Variants in SLC6A11 observed in about 807,000 individuals in gnomAD.
SLC6A11 encodes the protein solute carrier family 6 member 11, also known as sodium- and chloride-dependent GABA transporter 3.
A neutral mutation model predicts 74.8 loss-of-function variants in SLC6A11; 25 were observed. That is an observed-to-expected ratio of 0.33 (90% CI 0.24 to 0.47). The LOEUF (loss-of-function observed/expected upper bound fraction) is 0.47, where lower values mean the gene tolerates loss of function less well. SLC6A11 is among the 20% of genes least tolerant of loss of function. The probability of loss-of-function intolerance (pLI) is 1.00; values close to 1 mark genes in which losing one functional copy is unlikely to be tolerated. For synonymous variants in SLC6A11, 330 were observed against 330.2 expected (o/e 1.00, Z 0.01); for missense variants, 574 against 837.0 (o/e 0.69, Z 3.88).
intron 13 of SLC6A11, among the ~76,000 whole-genome samples, chr3:10,935,622 G>C (rs1040411473): frequency 4.6e-5 from 7 of 152,018 alleles, no homozygotes; most frequent in Non-Finnish European, 8.8e-5. Flanking sequence ...GCCATCCTCA[G>C]AGCAAACTGG....
At chr3:10,909,743 C>T (rs748783840) in intron 6 of SLC6A11, among the ~76,000 whole-genome samples, 2 of 152,168 alleles carry the variant, frequency 1.3e-5, no homozygotes, top group Admixed American at 6.5e-5. Flanking sequence ...CTTTTTGCTT[C>T]GCCATGTGGC....
At chr3:10,858,716 T>C (rs996413810) in intron 5 of SLC6A11, among the ~76,000 whole-genome samples, 7 of 152,250 alleles carry the variant, frequency 4.6e-5, no homozygotes, top group African/African-American at 1.7e-4. Context: ...CCTCTGTTTT[T>C]CTGTCTCACT....
intron 6 of SLC6A11, among the ~76,000 whole-genome samples, chr3:10,910,448 AAG>A (rs1695371566): frequency 6.6e-6 from 1 of 152,166 alleles, no homozygotes; most frequent in Non-Finnish European, 1.5e-5. Context: ...GGAAAACAGG[AAG>A]AGAGAGTTCA....
intron 5 of SLC6A11, among the ~76,000 whole-genome samples, chr3:10,870,381 G>C (rs1485440229): frequency 6.6e-6 from 1 of 152,234 alleles, no homozygotes; most frequent in Non-Finnish European, 1.5e-5. Flanking sequence ...AGCAGATAGA[G>C]GGGTTTCATC....
At chr3:10,835,377 G>A (rs1694353356) in intron 4 of SLC6A11, among the ~76,000 whole-genome samples, 1 of 152,194 alleles carries the variant, frequency 6.6e-6, no homozygotes, top group Non-Finnish European at 1.5e-5. Context: ...AGAGAGAATG[G>A]CTGCGTTATG....
intron 5 of SLC6A11, among the ~76,000 whole-genome samples, chr3:10,857,097 A>G (rs1694646812): frequency 6.6e-6 from 1 of 152,204 alleles, no homozygotes; most frequent in Non-Finnish European, 1.5e-5. Context: ...CCTGAAGATA[A>G]TCAACATGAT....
Position 10,891,553 on chromosome 3 carries a change from C to T in SLC6A11, c.891+16458C>T, listed in dbSNP as rs77488712. Among the ~76,000 whole-genome samples the T allele has an allele frequency of 9.2e-5, 14 of 152,266 alleles. No homozygotes were observed. In the East Asian group the frequency reaches 2.5e-3, roughly 27 times the overall value. Reference sequence around the variant, plus strand: ...CTTACACATAGAGTAAAATTATACTCATGAAGGTATTTGGCAAAGAACTCC... The same window carrying T: ...CTTACACATAGAGTAAAATTATACTTATGAAGGTATTTGGCAAAGAACTCC... On this transcript the variant is annotated intron_variant, in intron 6 of 13. Transcript: ENST00000254488.
intron 5 of SLC6A11, among the ~76,000 whole-genome samples, chr3:10,870,106 G>A (rs1004198617): frequency 3.9e-5 from 6 of 152,030 alleles, no homozygotes; most frequent in Non-Finnish European, 8.8e-5. Flanking sequence ...GCTTATCTTT[G>A]GGGACCAAGC....
Position 10,935,368 on chromosome 3 carries a change from G to A in SLC6A11, c.1746+169G>A, listed in dbSNP as rs556509184. 6.6e-5 allele frequency: 41 copies of A among 619,488 alleles called. No homozygotes were observed. In the African/African-American group the frequency reaches 7.2e-4, roughly 11 times the overall value. 38.4% of individuals were successfully genotyped at this position (619,488 alleles called of 1,614,324 possible). ...TCAGTATCATGGTTGTGCCCAAGGT[G>A]TCTCTGTGAAGTCTTTTGGCTGAGC... On this transcript the variant is annotated intron_variant, in intron 13 of 13. Coordinates refer to ENST00000254488, the MANE Select transcript of SLC6A11 (RefSeq NM_014229.3).
At chr3:10,904,317 A>G (rs545451747) in intron 6 of SLC6A11, among the ~76,000 whole-genome samples, 2 of 152,356 alleles carry the variant, frequency 1.3e-5, no homozygotes, top group East Asian at 3.9e-4. Context: ...ACTGTGCACC[A>G]GGGCTCACTG....
At position 10,940,657 on chromosome 3, in the gene SLC6A11, CA is replaced by C. The variant is rs1204386972; in HGVS notation, c.*2258del. The C allele has an allele frequency of 2.0e-5, 3 of 152,140 alleles. No individual in the cohort carries two copies. The highest frequency in any genetic ancestry group is 4.4e-5 in the Non-Finnish European group (3 of 68,034). 9.4% of individuals were successfully genotyped at this position (152,140 alleles called of 1,614,324 possible). A position where few individuals can be genotyped will look rare whatever the true frequency, so the allele number is the denominator to read the frequency against. On this transcript the variant is annotated 3_prime_UTR_variant, in exon 14 of 14. Coordinates refer to ENST00000254488, the MANE Select transcript of SLC6A11 (RefSeq NM_014229.3). Reference sequence around the variant, plus strand: ...ATAATGAACATTTTTATTGGGCATTCAAAGGGTGCAAGATTGTCTGCTTACT... The same window carrying C: ...ATAATGAACATTTTTATTGGGCATTCAAGGGTGCAAGATTGTCTGCTTACT...
At chr3:10,927,681 C>T (rs1199112170) in intron 9 of SLC6A11, among the ~76,000 whole-genome samples, 10 of 152,136 alleles carry the variant, frequency 6.6e-5, no homozygotes, top group Non-Finnish European at 1.3e-4. Context: ...GCTGCTGAGG[C>T]GGAGCAGCTG....
chr3:10,870,946 C>G (rs1694821705), intron 5 of SLC6A11, among the ~76,000 whole-genome samples: 1 of 152,142 alleles, frequency 6.6e-6, no homozygotes, highest in Non-Finnish European at 1.5e-5. Context: ...GATTTCTTTT[C>G]CCTTGGTTTA....
intron 5 of SLC6A11, among the ~76,000 whole-genome samples, chr3:10,865,147 C>T (rs1032792151): frequency 6.6e-6 from 1 of 152,246 alleles, no homozygotes; most frequent in African/African-American, 2.4e-5. Context: ...CACAATCTTT[C>T]TAATTATTGA....
At chr3:10,871,029 T>G (rs969451489) in intron 5 of SLC6A11, among the ~76,000 whole-genome samples, 6 of 152,178 alleles carry the variant, frequency 3.9e-5, no homozygotes, top group African/African-American at 1.4e-4. Context: ...CTAAATATAA[T>G]GTAGAAGTAG....
chr3:10,853,877 G>A (rs1327779751), intron 5 of SLC6A11, among the ~76,000 whole-genome samples: 1 of 152,188 alleles, frequency 6.6e-6, no homozygotes, highest in Non-Finnish European at 1.5e-5. Context: ...CTTCATGCAG[G>A]CATGCCCTGC....
chr3:10,932,645 A>C (rs1695705443), intron 10 of SLC6A11, among the ~76,000 whole-genome samples: 1 of 152,180 alleles, frequency 6.6e-6, no homozygotes, highest in Non-Finnish European at 1.5e-5. Flanking sequence ...GACTGTGGGA[A>C]GGGAGATGAG....
intron 12 of SLC6A11, among the ~76,000 whole-genome samples, 175 bp downstream of exon 12, chr3:10,934,341 C>A (rs1695731124): frequency 6.6e-6 from 1 of 152,230 alleles, no homozygotes; most frequent in African/African-American, 2.4e-5. Context: ...TGGGCTTGGC[C>A]AAGGAGTGGC....
Position 10,918,552 on chromosome 3 carries a change from C to A in SLC6A11, c.1120+99C>A. ...TCTTCCTCCTCGGCTCACACATCTC[C>A]TGGATTCAGGCCTCAGAAAGGGGCC... On this transcript the variant is annotated intron_variant, in intron 8 of 13. Coordinates refer to ENST00000254488, the MANE Select transcript of SLC6A11 (RefSeq NM_014229.3). This position sits in a 1 kb window ranked among gnomAD's most constrained non-coding sequence, Gnocchi z 4.5. 1 of 1,389,276 alleles carries A rather than the reference C, an allele frequency of 7.2e-7. No individual in the cohort carries two copies. Among genetic ancestry groups the A allele is most frequent in the Non-Finnish European group, 9.7e-7 (1 of 1,033,238 alleles). 86.1% of individuals were successfully genotyped at this position (1,389,276 alleles called of 1,614,324 possible). A position where few individuals can be genotyped will look rare whatever the true frequency, so the allele number is the denominator to read the frequency against.
Sources: gnomAD v4.1 joint callset for allele counts (sites outside exome capture counted in the v4.1 genomes callset) on GRCh38, gnomAD v4.1.1 for gene constraint, Gnocchi (gnomAD v3.1) non-coding constraint, MANE v1.5 for transcripts, NCBI Gene and HGNC (gene_info 2026-07-23, HGNC 2026-07-21) for gene names.